TIAM2: variants seen among roughly 807,000 people sequenced by gnomAD.
TIAM2 encodes the protein rho guanine nucleotide exchange factor TIAM2.
Under a neutral mutation model 152.9 loss-of-function variants are expected in TIAM2, and 80 were observed. The observed-to-expected ratio is 0.52, with a 90% confidence interval of 0.44 to 0.63. The LOEUF (loss-of-function observed/expected upper bound fraction) is 0.63. TIAM2 is among the 30% of genes least tolerant of loss of function. The pLI is 0.00. For synonymous variants in TIAM2, 804 were observed against 838.0 expected (o/e 0.96, Z 0.70); for missense variants, 1,965 against 2,120.1 (o/e 0.93, Z 1.44).
In TIAM2 at chr6:155,030,183, G is replaced by A. The variant is rs571150180; in HGVS notation, c.-209+34691G>A. On this transcript the variant is annotated intron_variant, in intron 1 of 26. Transcript: ENST00000682666. ...CCTTATGATAACTTTCTGAAATTAC[G>A]GAGTTTGGGGAGGGAGGAGAGGGAG... 6.6e-5 allele frequency among the ~76,000 whole-genome samples: 10 copies of A among 152,166 alleles called. No individual in the cohort carries two copies. In the East Asian group the frequency reaches 1.9e-3, roughly 29 times the overall value.
intron 1 of TIAM2, among the ~76,000 whole-genome samples, chr6:155,000,273 G>A (rs9480001): frequency 0.14 from 21,825 of 152,060 alleles, 1,784 homozygotes; most frequent in African/African-American, 0.22. Context: ...GGTGGCTCAC[G>A]CCTATAATCC....
At chr6:155,244,637 C>A (rs1783218276) in intron 17 of TIAM2, 21 bp from the exon 18 acceptor site, 6 of 1,612,010 alleles carry the variant, frequency 3.7e-6, no homozygotes, top group Non-Finnish European at 5.1e-6. Flanking sequence ...CCCCTCATTT[C>A]AAATCCTGAT....
chr6:155,243,846 C>CAAAAA (rs59365890), intron 16 of TIAM2, among the ~76,000 whole-genome samples, 165 bp from the exon 17 acceptor site: 21 of 55,050 alleles, frequency 3.8e-4, no homozygotes, highest in Non-Finnish European at 4.8e-4. Context: ...GACTCCGTCT[C>CAAAAA]AAAAAAAAAA....
chr6:155,211,040 C>T (rs907560143), intron 14 of TIAM2, among the ~76,000 whole-genome samples, 164 bp from the exon 15 acceptor site: 2 of 152,176 alleles, frequency 1.3e-5, no homozygotes, highest in South Asian at 4.1e-4. Flanking sequence ...GTTTCAGAAG[C>T]CCATCTGTAT....
chr6:155,247,485 C>T (rs1482960386), intron 19 of TIAM2, among the ~76,000 whole-genome samples: 4 of 152,042 alleles, frequency 2.6e-5, no homozygotes, highest in South Asian at 2.1e-4. Flanking sequence ...CCCACCACCA[C>T]GCCCGGCGAA....
intron 1 of TIAM2, among the ~76,000 whole-genome samples, chr6:155,064,105 C>G (rs1271249014): frequency 2.6e-5 from 4 of 152,014 alleles, no homozygotes; most frequent in Non-Finnish European, 5.9e-5. Context: ...ATAGTTTTCT[C>G]TTGATAATTT....
intron 1 of TIAM2, among the ~76,000 whole-genome samples, chr6:155,056,476 T>G (rs1777455604): frequency 6.7e-6 from 1 of 149,612 alleles, no homozygotes; most frequent in East Asian, 2.0e-4. Flanking sequence ...CTGGCCCTTA[T>G]GGTTCTTCTT....
intron 1 of TIAM2, among the ~76,000 whole-genome samples, chr6:155,062,509 T>C (rs900351857): frequency 7.2e-5 from 11 of 151,880 alleles, no homozygotes; most frequent in Non-Finnish European, 1.2e-4. Context: ...TTTATTTTAT[T>C]ATTTTTGTTT....
At chr6:155,119,716 C>T (rs974225673) in intron 2 of TIAM2, among the ~76,000 whole-genome samples, 1 of 152,214 alleles carries the variant, frequency 6.6e-6, no homozygotes. Flanking sequence ...ATGTACCATT[C>T]TGGCAAAACT....
intron 4 of TIAM2, among the ~76,000 whole-genome samples, chr6:155,134,994 C>G (rs757790220): frequency 6.6e-6 from 1 of 151,994 alleles, no homozygotes; most frequent in Non-Finnish European, 1.5e-5. Context: ...CGTGAGCCAC[C>G]GAGCCCAGCC....
intron 15 of TIAM2, among the ~76,000 whole-genome samples, chr6:155,232,268 GT>G (rs34963232): frequency 0.13 from 18,674 of 148,926 alleles, 2,112 homozygotes; most frequent in East Asian, 0.49. Context: ...AATTTTTAGT[GT>G]TTTTTTTTTC....
intron 2 of TIAM2, among the ~76,000 whole-genome samples, chr6:155,113,811 G>T (rs1051111983): frequency 4.0e-5 from 6 of 151,682 alleles, no homozygotes; most frequent in African/African-American, 1.5e-4. Context: ...TTGGATGGGG[G>T]TCTGTTTTGT....
chr6:155,050,003 C>T lies in TIAM2; in HGVS notation c.-208-40286C>T, dbSNP rs1777283318. 2.0e-5 allele frequency among the ~76,000 whole-genome samples: 3 copies of T among 152,090 alleles called. No homozygotes were observed. In the South Asian group the frequency reaches 6.2e-4, roughly 32 times the overall value. On this transcript the variant is annotated intron_variant, in intron 1 of 26. Transcript: ENST00000682666. ...AGTACAAATATTTTTGCTTTAGGTT[C>T]AGAGTAAGTGAGGCTGAAACTAAAA...
At chr6:155,230,072 TGTACCACCGAGA>T (rs1011085546) in intron 15 of TIAM2, among the ~76,000 whole-genome samples, 2 of 148,640 alleles carry the variant, frequency 1.3e-5, no homozygotes, top group African/African-American at 5.0e-5. Context: ...AGGTGACACC[TGTACCACCGAGA>T]GTACAAATCC....
intron 1 of TIAM2, among the ~76,000 whole-genome samples, chr6:155,040,744 C>G (rs899859451): frequency 6.6e-6 from 1 of 152,132 alleles, no homozygotes; most frequent in Non-Finnish European, 1.5e-5. Flanking sequence ...GTCTCAAACT[C>G]CTGCCCTCTG....
At chr6:155,121,680 G>A (rs1484662235) in intron 2 of TIAM2, among the ~76,000 whole-genome samples, 1 of 152,196 alleles carries the variant, frequency 6.6e-6, no homozygotes, top group African/African-American at 2.4e-5. Flanking sequence ...ACTATCTGAA[G>A]TATTTGCCTG....
chr6:155,242,915 T>C (rs761189681), intron 16 of TIAM2, among the ~76,000 whole-genome samples: 142 of 62,970 alleles, frequency 2.3e-3, no homozygotes, highest in South Asian at 2.7e-3. Flanking sequence ...TTTTTTTTTC[T>C]TTTTTTTAGT....
At chr6:155,232,642 T>C (rs1404389372) in intron 15 of TIAM2, 3 of 152,240 alleles carry the variant, frequency 2.0e-5, no homozygotes, top group Non-Finnish European at 4.4e-5. Context: ...GGCTGATGGC[T>C]CAGCACAGAG....
At chr6:155,120,309 T>A (rs995720436) in intron 2 of TIAM2, among the ~76,000 whole-genome samples, 4 of 152,224 alleles carry the variant, frequency 2.6e-5, no homozygotes, top group African/African-American at 7.2e-5. Flanking sequence ...GGCCCAACAA[T>A]GAAAGCTTAG....
Sources: gnomAD v4.1 joint callset for allele counts (sites outside exome capture counted in the v4.1 genomes callset) on GRCh38, gnomAD v4.1.1 for gene constraint, MANE v1.5 for transcripts, NCBI Gene and HGNC (gene_info 2026-07-23, HGNC 2026-07-21) for gene names.